Variants in ARL15 observed in about 807,000 individuals in gnomAD.
The protein encoded by ARL15 is ARF like GTPase 15.
Under a neutral mutation model 25.2 loss-of-function variants are expected in ARL15, and 19 were observed. The ratio of observed to expected loss-of-function variants is 0.75; its 90% CI spans 0.53 to 1.10. ARL15 has a LOEUF of 1.10. Ranked by LOEUF, ARL15 falls within the 50% of genes least tolerant of loss-of-function variation. The pLI is 0.00. For synonymous variants in ARL15, 94 were observed against 86.8 expected (o/e 1.08, Z -0.46); for missense variants, 220 against 246.0 (o/e 0.89, Z 0.71).
chr5:54,017,498 A>G (rs1365123070), intron 4 of ARL15, among the ~76,000 whole-genome samples: 6 of 150,930 alleles, frequency 4.0e-5, no homozygotes, highest in Non-Finnish European at 8.8e-5. Flanking sequence ...TACTAGCTGC[A>G]TTGTTACCAG....
chr5:54,265,315 A>G (rs1221134424), intron 1 of ARL15, among the ~76,000 whole-genome samples: 1 of 152,212 alleles, frequency 6.6e-6, no homozygotes, highest in African/African-American at 2.4e-5. Flanking sequence ...TAACTCACCT[A>G]GTTTCCTTTA....
At chr5:54,054,356 T>C (rs1238561516) in intron 4 of ARL15, among the ~76,000 whole-genome samples, 3 of 152,228 alleles carry the variant, frequency 2.0e-5, no homozygotes, top group Admixed American at 6.5e-5. Flanking sequence ...GAAAATTTAT[T>C]GTGGCACTCT....
At chr5:53,996,127 G>C (rs561535851) in intron 4 of ARL15, among the ~76,000 whole-genome samples, 1 of 152,108 alleles carries the variant, frequency 6.6e-6, no homozygotes, top group Non-Finnish European at 1.5e-5. Context: ...CAGCTAGATG[G>C]GTGAGCAAAA....
At chr5:54,231,099 G>A (rs931215067) in intron 1 of ARL15, among the ~76,000 whole-genome samples, 3 of 151,536 alleles carry the variant, frequency 2.0e-5, no homozygotes, top group Admixed American at 2.0e-4. Context: ...CAGTTGCTTG[G>A]GGAATGTTTC....
chr5:54,112,340 C>T (rs1752766553), intron 4 of ARL15, among the ~76,000 whole-genome samples: 1 of 152,146 alleles, frequency 6.6e-6, no homozygotes, highest in Non-Finnish European at 1.5e-5. Flanking sequence ...GGAGTTAGAA[C>T]ATGTTATGTC....
chr5:53,918,411 A>C (rs1343954397), intron 4 of ARL15, among the ~76,000 whole-genome samples: 1 of 152,046 alleles, frequency 6.6e-6, no homozygotes, highest in Non-Finnish European at 1.5e-5. Flanking sequence ...CAAGCTGGTC[A>C]CGTACTCCTG....
chr5:54,112,859 G>C (rs1752781200), intron 4 of ARL15, among the ~76,000 whole-genome samples: 1 of 152,148 alleles, frequency 6.6e-6, no homozygotes, highest in Non-Finnish European at 1.5e-5. Flanking sequence ...CTCACGATAT[G>C]TTCCTAGAAA....
intron 4 of ARL15, among the ~76,000 whole-genome samples, chr5:53,976,152 A>G (rs1747914180): frequency 6.6e-6 from 1 of 152,152 alleles, no homozygotes; most frequent in Non-Finnish European, 1.5e-5. Context: ...AACACAAATA[A>G]GACATAATCC....
intron 1 of ARL15, among the ~76,000 whole-genome samples, chr5:54,203,280 G>C (rs909606869): frequency 5.3e-5 from 8 of 152,022 alleles, no homozygotes; most frequent in Non-Finnish European, 1.2e-4. Context: ...CAGATACAAA[G>C]AGTTTTAATA....
chr5:53,905,252 C>T (rs1467550582), intron 4 of ARL15, among the ~76,000 whole-genome samples: 2 of 152,052 alleles, frequency 1.3e-5, no homozygotes, highest in African/African-American at 2.4e-5. Flanking sequence ...TGTCTATCAC[C>T]TCAAATCCTT....
At chr5:54,286,239 C>T (rs538593561) in intron 1 of ARL15, 2 of 151,898 alleles carry the variant, frequency 1.3e-5, no homozygotes, top group Non-Finnish European at 2.9e-5. Context: ...GATAATCTAC[C>T]CAAAGAGAAA....
In ARL15 at chr5:54,252,394, T is replaced by C. The variant is rs16882510; in HGVS notation, c.48+58038A>G. ...CTGAAGTCCAGGTTTTAGATACTTA[T>C]TTTGCTCTTTTTAAAAGGAAAACAC... On this transcript the variant is annotated intron_variant, in intron 1 of 4. Transcript: ENST00000504924. Among the ~76,000 whole-genome samples the C allele has an allele frequency of 7.8e-3, 1,183 of 152,306 alleles. 11 individuals are homozygous for C. Among genetic ancestry groups the C allele is most frequent in the African/African-American group, 0.027 (1,119 of 41,566 alleles).
chr5:53,991,542 C>CAAAAA (rs760743257), intron 4 of ARL15, among the ~76,000 whole-genome samples: 5 of 40,652 alleles, frequency 1.2e-4, no homozygotes, highest in African/African-American at 4.3e-4. Context: ...AACTCCATCT[C>CAAAAA]AAAAAAAAAA....
At chr5:53,981,414 G>A (rs998501059) in intron 4 of ARL15, among the ~76,000 whole-genome samples, 1 of 152,186 alleles carries the variant, frequency 6.6e-6, no homozygotes, top group Non-Finnish European at 1.5e-5. Flanking sequence ...GTGAGAAAGA[G>A]TGGAAACTCT....
intron 1 of ARL15, among the ~76,000 whole-genome samples, chr5:54,279,535 T>C (rs1265025115): frequency 2.0e-5 from 3 of 152,188 alleles, no homozygotes; most frequent in African/African-American, 7.2e-5. Context: ...CCTCATGACC[T>C]CATCTAAACC....
intron 1 of ARL15, among the ~76,000 whole-genome samples, chr5:54,298,569 C>G (rs1758528911): frequency 6.6e-6 from 1 of 152,160 alleles, no homozygotes; most frequent in South Asian, 2.1e-4. Flanking sequence ...CCAGTTCCAG[C>G]CCTTTCTCTT....
Position 53,976,655 on chromosome 5 carries a change from A to G in ARL15, c.463-89942T>C, listed in dbSNP as rs79510719. On this transcript the variant is annotated intron_variant, in intron 4 of 4. Transcript: ENST00000504924. Reference sequence around the variant, plus strand: ...CATCATTCACTGATATGGGACAAACAGGAAGAGAAATGCATTTGAGAGAAG... The same window carrying G: ...CATCATTCACTGATATGGGACAAACGGGAAGAGAAATGCATTTGAGAGAAG... Among the ~76,000 whole-genome samples, 66 of 152,332 alleles carry G rather than the reference A, an allele frequency of 4.3e-4. 1 individual carries two copies. The East Asian group carries it at 0.012, about 29-fold the overall frequency.
chr5:54,071,652 C>G (rs990098807), intron 4 of ARL15, among the ~76,000 whole-genome samples: 1 of 151,808 alleles, frequency 6.6e-6, no homozygotes. Flanking sequence ...TGAACTGTGT[C>G]AGGGAAAGTG....
At chr5:54,088,959 C>T (rs1210626467) in intron 4 of ARL15, among the ~76,000 whole-genome samples, 1 of 152,112 alleles carries the variant, frequency 6.6e-6, no homozygotes. Flanking sequence ...TTTTGTCAGA[C>T]AAAGTGCAAC....
Sources: allele counts gnomAD v4.1 joint callset (sites outside exome capture counted in the v4.1 genomes callset), GRCh38; gene constraint gnomAD v4.1.1; transcripts MANE v1.5; gene names NCBI Gene and HGNC (gene_info 2026-07-23, HGNC 2026-07-21).